Variants in ATP2B2 observed in about 807,000 individuals in gnomAD.
ATP2B2 encodes plasma membrane calcium-transporting ATPase 2.
Under a neutral mutation model 120.0 loss-of-function variants are expected in ATP2B2, and 15 were observed. The ratio of observed to expected loss-of-function variants is 0.12; its 90% CI spans 0.08 to 0.19. The LOEUF (loss-of-function observed/expected upper bound fraction) is 0.19. Among genes scored for constraint, ATP2B2 ranks in the 10% least tolerant of loss-of-function variants. The pLI is 1.00. For synonymous variants in ATP2B2, 694 were observed against 700.3 expected, an observed-to-expected ratio of 0.99 and a Z score of 0.14; for missense variants, 1,045 against 1,719.8, an observed-to-expected ratio of 0.61 and a Z score of 6.94.
intron 2 of ATP2B2, among the ~76,000 whole-genome samples, chr3:10,419,145 C>T (rs1315074373): frequency 6.6e-6 from 1 of 152,238 alleles, no homozygotes; most frequent in Non-Finnish European, 1.5e-5. Context: ...CTCAAGAAAC[C>T]TCCCTCCCCT....
chr3:10,687,634 G>C (rs2071555883), intron 1 of ATP2B2, among the ~76,000 whole-genome samples: 1 of 152,176 alleles, frequency 6.6e-6, no homozygotes, highest in Admixed American at 6.5e-5. Context: ...GCTGAGAAGG[G>C]CCAATCATTT....
At chr3:10,576,786 C>T (rs551955433) in intron 2 of ATP2B2, among the ~76,000 whole-genome samples, 18 of 152,076 alleles carry the variant, frequency 1.2e-4, no homozygotes, top group South Asian at 4.2e-4. Context: ...AAGCTGGGGC[C>T]GGGCGCGGTG....
At position 10,452,847 on chromosome 3, in the gene ATP2B2, G is replaced by A. The variant is rs117966190; in HGVS notation, c.-319-2985C>T. The stretch of plus-strand genomic sequence containing the variant: ...TTGGGACTGACCTGGAGCCCCAGGA[G>A]GCCTCAGTCCTTGACGCTTAAGCAA... On this transcript the variant is annotated intron_variant, in intron 1 of 22. Transcript: ENST00000360273. Among the ~76,000 whole-genome samples, 319 of 152,352 alleles carry A rather than the reference G, an allele frequency of 2.1e-3. 5 individuals are homozygous for A. The South Asian group carries it at 0.041, about 20-fold the overall frequency.
chr3:10,446,201 G>T (rs189087830), intron 2 of ATP2B2, among the ~76,000 whole-genome samples: 6 of 152,176 alleles, frequency 3.9e-5, no homozygotes, highest in Admixed American at 3.9e-4. Flanking sequence ...TTTCTCATGT[G>T]TGGACACTGG....
At chr3:10,664,106 G>T (rs2070862176) in intron 1 of ATP2B2, among the ~76,000 whole-genome samples, 1 of 152,058 alleles carries the variant, frequency 6.6e-6, no homozygotes, top group South Asian at 2.1e-4. Flanking sequence ...AGAGGCTCAG[G>T]GAGGCTGAGC....
At position 10,327,275 on chromosome 3, in the gene ATP2B2, GC is replaced by G. The variant is rs2059874425; in HGVS notation, c.*1538del. On this transcript the variant is annotated 3_prime_UTR_variant, in exon 23 of 23. Coordinates refer to ENST00000360273, the MANE Select transcript of ATP2B2 (RefSeq NM_001001331.4). ...TGTGATACTGTAGGGTTTCAGAATG[GC>G]TTTCTGTTTGGGAAAGCAAGACTTG... 1 of 155,932 alleles carries G rather than the reference GC, an allele frequency of 6.4e-6. No individual in the cohort carries two copies. Among genetic ancestry groups the G allele is most frequent in the Non-Finnish European group, 1.4e-5 (1 of 70,462 alleles). 9.7% of individuals were successfully genotyped at this position (155,932 alleles called of 1,614,324 possible).
chr3:10,543,502 C>T (rs539514080), intron 2 of ATP2B2, among the ~76,000 whole-genome samples: 11 of 152,290 alleles, frequency 7.2e-5, no homozygotes, highest in African/African-American at 2.6e-4. Context: ...CAACTACCTT[C>T]AAGTAAATTG....
intron 2 of ATP2B2, among the ~76,000 whole-genome samples, chr3:10,588,230 G>A (rs893085954): frequency 2.6e-5 from 4 of 152,206 alleles, no homozygotes; most frequent in South Asian, 4.1e-4. Flanking sequence ...CTCGCTGGAT[G>A]CCAGCAGCAC....
chr3:10,455,379 C>T (rs759134145), intron 1 of ATP2B2, among the ~76,000 whole-genome samples: 1 of 152,226 alleles, frequency 6.6e-6, no homozygotes, highest in African/African-American at 2.4e-5. Flanking sequence ...ATCCAAATAT[C>T]ATGTGACCTA....
intron 5 of ATP2B2, among the ~76,000 whole-genome samples, chr3:10,397,757 G>A (rs2062087385): frequency 6.6e-6 from 1 of 152,126 alleles, no homozygotes; most frequent in Non-Finnish European, 1.5e-5. Flanking sequence ...TGAATGCGGT[G>A]CCCATTCAGT....
intron 1 of ATP2B2, among the ~76,000 whole-genome samples, chr3:10,664,114 A>G (rs2070862413): frequency 6.6e-6 from 1 of 152,080 alleles, no homozygotes; most frequent in Non-Finnish European, 1.5e-5. Flanking sequence ...AGGGAGGCTG[A>G]GCAGAGTCTA....
Position 10,403,040 on chromosome 3 carries a change from A to T in ATP2B2, c.398-692T>A, listed in dbSNP as rs141848388. Among the ~76,000 whole-genome samples, 3 of 152,268 alleles carry T rather than the reference A, an allele frequency of 2.0e-5. No homozygotes were observed. In the East Asian group the frequency reaches 5.8e-4, roughly 29 times the overall value. ...CTGTTGGAGTCTCATTACATTGCCC[A>T]GGCAGGTTGGGAAGATGAGCTGGTT... On this transcript the variant is annotated intron_variant, in intron 3 of 22. Transcript: ENST00000360273.
rs572359859 is a variant in ATP2B2 at position 10,438,012 on chromosome 3, G to C, written c.199+11333C>G. Among the ~76,000 whole-genome samples the C allele has an allele frequency of 3.9e-5, 6 of 152,326 alleles. No individual in the cohort carries two copies. The South Asian group carries it at 1.0e-3, about 26-fold the overall frequency. On this transcript the variant is annotated intron_variant, in intron 2 of 22. Transcript: ENST00000360273. ...TAAGCCACTCAGTCTGTGGTCTTTG[G>C]ATGGCGTGGCTGAGCTGAGGCTCTG...
At chr3:10,680,857 G>A (rs910987363) in intron 1 of ATP2B2, among the ~76,000 whole-genome samples, 5 of 152,160 alleles carry the variant, frequency 3.3e-5, no homozygotes, top group Admixed American at 6.5e-5. Flanking sequence ...TGTCTGCACC[G>A]AATCTCATGT....
intron 2 of ATP2B2, among the ~76,000 whole-genome samples, chr3:10,538,280 C>T (rs1015949283): frequency 6.6e-6 from 1 of 151,998 alleles, no homozygotes; most frequent in African/African-American, 2.4e-5. Flanking sequence ...GATTCACAGC[C>T]GAATTCTACC....
At chr3:10,597,109 A>G (rs1465180666) in intron 2 of ATP2B2, among the ~76,000 whole-genome samples, 1 of 151,204 alleles carries the variant, frequency 6.6e-6, no homozygotes, top group Non-Finnish European at 1.5e-5. Flanking sequence ...AGTCACACAT[A>G]CACGCACACA....
chr3:10,427,456 C>T (rs535950990), intron 2 of ATP2B2, among the ~76,000 whole-genome samples: 1 of 152,194 alleles, frequency 6.6e-6, no homozygotes, highest in African/African-American at 2.4e-5. Flanking sequence ...CCACAATATA[C>T]GCTGTTCTAA....
intron 2 of ATP2B2, among the ~76,000 whole-genome samples, chr3:10,606,900 CACACACACACACAGAGAGAGAG>C (rs2069084934): frequency 3.3e-5 from 1 of 30,054 alleles, no homozygotes; most frequent in South Asian, 1.9e-3. Flanking sequence ...CACACACACA[CACACACACACACAGAGAGAGAG>C]AGAGAGAGAG....
At chr3:10,573,427 C>CAACA (rs1345931590) in intron 2 of ATP2B2, among the ~76,000 whole-genome samples, 1 of 152,188 alleles carries the variant, frequency 6.6e-6, no homozygotes, top group Non-Finnish European at 1.5e-5. Context: ...ACCTCTACTT[C>CAACA]CTGTTCACCC....
Sources: gnomAD v4.1 joint callset for allele counts (sites outside exome capture counted in the v4.1 genomes callset) on GRCh38, gnomAD v4.1.1 for gene constraint, MANE v1.5 for transcripts, NCBI Gene and HGNC (gene_info 2026-07-23, HGNC 2026-07-21) for gene names.